Variants in CDK6 observed in about 807,000 individuals in gnomAD.
CDK6 encodes the protein cyclin-dependent kinase 6.
CDK6 carries 6 observed loss-of-function variants against 37.1 expected under a neutral mutation model. That is an observed-to-expected ratio of 0.16 (90% CI 0.09 to 0.32). The LOEUF (loss-of-function observed/expected upper bound fraction) is 0.32. Ranked by LOEUF, CDK6 falls within the 10% of genes least tolerant of loss-of-function variation. The pLI is 1.00. For missense variants in CDK6, 224 were observed against 418.9 expected, an observed-to-expected ratio of 0.53 and a Z score of 4.06; for synonymous variants, 160 against 161.3, an observed-to-expected ratio of 0.99 and a Z score of 0.06.
chr7:92,794,547 C>G (rs1260142069), intron 2 of CDK6, among the ~76,000 whole-genome samples: 3 of 152,100 alleles, frequency 2.0e-5, no homozygotes, highest in Admixed American at 2.0e-4. Context: ...TCAACACCAG[C>G]TGTTACTGCT....
At chr7:92,811,034 G>A (rs1271443820) in intron 2 of CDK6, among the ~76,000 whole-genome samples, 1 of 151,730 alleles carries the variant, frequency 6.6e-6, no homozygotes, top group Non-Finnish European at 1.5e-5. Flanking sequence ...CCCGGTGACA[G>A]AATGAGAACC....
At chr7:92,682,675 C>A (rs1797363964) in intron 4 of CDK6, among the ~76,000 whole-genome samples, 1 of 152,106 alleles carries the variant, frequency 6.6e-6, no homozygotes, top group Non-Finnish European at 1.5e-5. Context: ...CAGAAGACAG[C>A]AGAATGGAGA....
intron 2 of CDK6, among the ~76,000 whole-genome samples, chr7:92,823,594 C>T (rs548352415): frequency 6.6e-6 from 1 of 151,836 alleles, no homozygotes; most frequent in East Asian, 1.9e-4. Context: ...CTCTTGGTTT[C>T]TCAAGGTTCA....
At chr7:92,809,029 T>C (rs182856973) in intron 2 of CDK6, among the ~76,000 whole-genome samples, 9 of 152,332 alleles carry the variant, frequency 5.9e-5, no homozygotes, top group Admixed American at 5.9e-4. Flanking sequence ...CAATAAATAT[T>C]TGTATTTTAA....
chr7:92,620,131 T>C (rs557632052), intron 6 of CDK6, among the ~76,000 whole-genome samples: 47 of 152,334 alleles, frequency 3.1e-4, no homozygotes, highest in Middle Eastern at 3.4e-3. Context: ...TATTTGTGGC[T>C]TTGAATGTAT....
intron 3 of CDK6, among the ~76,000 whole-genome samples, chr7:92,734,644 G>A (rs747642545): frequency 3.9e-5 from 6 of 152,278 alleles, no homozygotes; most frequent in Middle Eastern, 3.4e-3. Flanking sequence ...TGAAATCTAT[G>A]AAGGCCATTA....
intron 3 of CDK6, among the ~76,000 whole-genome samples, chr7:92,758,062 A>C (rs1395711710): frequency 6.6e-6 from 1 of 152,128 alleles, no homozygotes; most frequent in Non-Finnish European, 1.5e-5. Context: ...TGTCAGATGC[A>C]CAGTTTGCAA....
At chr7:92,677,394 G>A (rs1233747210) in intron 4 of CDK6, among the ~76,000 whole-genome samples, 6 of 152,070 alleles carry the variant, frequency 3.9e-5, no homozygotes, top group Non-Finnish European at 8.8e-5. Flanking sequence ...GAAGCAGGCG[G>A]ATCACTTGAG....
At chr7:92,756,006 G>A (rs1355102041) in intron 3 of CDK6, among the ~76,000 whole-genome samples, 1 of 152,052 alleles carries the variant, frequency 6.6e-6, no homozygotes, top group Non-Finnish European at 1.5e-5. Context: ...TGCAAGGTTG[G>A]AGAATCTGCC....
chr7:92,803,422 G>A (rs1408414008), intron 2 of CDK6, among the ~76,000 whole-genome samples: 1 of 152,196 alleles, frequency 6.6e-6, no homozygotes, highest in East Asian at 1.9e-4. Context: ...TGACAGCCAG[G>A]TGCAACCTTT....
chr7:92,724,525 T>G (rs1216282188), intron 4 of CDK6, among the ~76,000 whole-genome samples: 1 of 152,202 alleles, frequency 6.6e-6, no homozygotes, highest in African/African-American at 2.4e-5. Context: ...GATTTTTTCC[T>G]AAGGCAAGTT....
intron 4 of CDK6, among the ~76,000 whole-genome samples, chr7:92,680,508 C>T (rs1391839042): frequency 6.7e-6 from 1 of 149,818 alleles, no homozygotes; most frequent in Admixed American, 6.6e-5. Context: ...TCAAATTCAC[C>T]CATTTGTAAT....
intron 2 of CDK6, among the ~76,000 whole-genome samples, chr7:92,814,080 GT>G (rs1358285762): frequency 6.6e-6 from 1 of 152,106 alleles, no homozygotes; most frequent in Non-Finnish European, 1.5e-5. Flanking sequence ...TATTTTTTCA[GT>G]TTGTTTCCCT....
chr7:92,657,816 A>G (rs1796730691), intron 5 of CDK6, among the ~76,000 whole-genome samples: 1 of 152,212 alleles, frequency 6.6e-6, no homozygotes, highest in Admixed American at 6.5e-5. Context: ...CCCAGGCTCA[A>G]GTGATCCTCC....
intron 2 of CDK6, among the ~76,000 whole-genome samples, chr7:92,809,470 T>G (rs929517064): frequency 1.3e-5 from 2 of 152,204 alleles, no homozygotes; most frequent in African/African-American, 4.8e-5. Flanking sequence ...TTACTTGGCC[T>G]TACTGGTCAC....
intron 5 of CDK6, among the ~76,000 whole-genome samples, chr7:92,655,009 ATTT>A (rs11288006): frequency 1.5e-5 from 2 of 134,068 alleles, no homozygotes; most frequent in Non-Finnish European, 3.2e-5. Flanking sequence ...TGCCTGGATC[ATTT>A]TTTTTTTTTT....
At chr7:92,780,430 C>G (rs541913051) in intron 2 of CDK6, among the ~76,000 whole-genome samples, 1 of 152,056 alleles carries the variant, frequency 6.6e-6, no homozygotes, top group African/African-American at 2.4e-5. Context: ...ACTTGCAAAA[C>G]AAAAGAGCCA....
Position 92,610,879 on chromosome 7 carries a change from T to C in CDK6, c.*4261A>G, listed in dbSNP as rs1457332823. 2 of 228,552 alleles carry C rather than the reference T, an allele frequency of 8.8e-6. No homozygotes were observed. Among genetic ancestry groups the C allele is most frequent in the Admixed American group, 5.7e-5 (1 of 17,656 alleles). The allele number at this position is 228,552 out of a possible 1,614,324, so 14.2% of individuals were successfully genotyped here. ...CACATGCCTTTTAAAAATTTATTTT[T>C]TCAATGAACGTTCTTAGGCATGTGT... On this transcript the variant is annotated 3_prime_UTR_variant, in exon 8 of 8. Transcript: ENST00000424848.
chr7:92,757,191 A>AT (rs1799338230), intron 3 of CDK6, among the ~76,000 whole-genome samples: 1 of 152,138 alleles, frequency 6.6e-6, no homozygotes, highest in African/African-American at 2.4e-5. Flanking sequence ...ACATGTGAAG[A>AT]TTTTTTATAT....
Sources: allele counts gnomAD v4.1 joint callset (sites outside exome capture counted in the v4.1 genomes callset), GRCh38; gene constraint gnomAD v4.1.1; transcripts MANE v1.5; gene names NCBI Gene and HGNC (gene_info 2026-07-23, HGNC 2026-07-21).